PIK3C2B: variants seen among roughly 807,000 people sequenced by gnomAD.
The protein encoded by PIK3C2B is phosphatidylinositol 4-phosphate 3-kinase C2 domain-containing subunit beta.
PIK3C2B carries 83 observed loss-of-function variants against 184.3 expected under a neutral mutation model. The observed-to-expected ratio is 0.45, with a 90% CI of 0.38 to 0.54. The LOEUF (loss-of-function observed/expected upper bound fraction) is 0.54, where lower values mean the gene tolerates loss of function less well. Ranked by LOEUF, PIK3C2B falls within the 20% of genes least tolerant of loss-of-function variation. The pLI, the probability that PIK3C2B is intolerant of heterozygous loss-of-function variation, is 0.00. For synonymous variants in PIK3C2B, 779 were observed against 837.6 expected (o/e 0.93, Z 1.21); for missense variants, 1,736 against 2,113.5 (o/e 0.82, Z 3.50).
chr1:204,483,519 C>A (rs989175214), intron 1 of PIK3C2B, among the ~76,000 whole-genome samples: 1 of 152,072 alleles, frequency 6.6e-6, no homozygotes, highest in African/African-American at 2.4e-5. Context: ...GTGGCCCTGT[C>A]GCCTGGGGAA....
intron 13 of PIK3C2B, among the ~76,000 whole-genome samples, 196 bp downstream of exon 13, chr1:204,449,653 GA>G (rs1351980207): frequency 3.3e-5 from 5 of 152,300 alleles, no homozygotes; most frequent in African/African-American, 1.2e-4. Context: ...TGTGCCACCA[GA>G]ACCGCTCAGT....
intron 1 of PIK3C2B, among the ~76,000 whole-genome samples, chr1:204,483,621 AAAGT>A (rs1222869298): frequency 1.3e-5 from 2 of 152,230 alleles, no homozygotes; most frequent in African/African-American, 4.8e-5. Flanking sequence ...TTGAAAAAAG[AAAGT>A]GACTTTAGCG....
intron 5 of PIK3C2B, among the ~76,000 whole-genome samples, chr1:204,462,008 G>A (rs559766508): frequency 6.6e-6 from 1 of 151,636 alleles, no homozygotes; most frequent in Non-Finnish European, 1.5e-5. Flanking sequence ...TTGGGGGTCT[G>A]GGGGCTGGGC....
intron 32 of PIK3C2B, 53 bp from the exon 33 acceptor site, chr1:204,425,093 T>C: frequency 2.7e-6 from 4 of 1,479,348 alleles, no homozygotes; most frequent in Non-Finnish European, 3.7e-6. Flanking sequence ...ACAAGAAGAA[T>C]CCAGAGGGAA....
chr1:204,457,351 T>C (rs1224348909), intron 9 of PIK3C2B, among the ~76,000 whole-genome samples: 3 of 152,234 alleles, frequency 2.0e-5, no homozygotes, highest in Non-Finnish European at 4.4e-5. Context: ...GCTGGCCCTG[T>C]CTGCAGAGCA....
intron 20 of PIK3C2B, 98 bp downstream of exon 20, chr1:204,442,428 G>A: frequency 2.6e-6 from 2 of 761,890 alleles, no homozygotes; most frequent in Middle Eastern, 3.3e-4. Flanking sequence ...CTGACGCCCA[G>A]ACAACTCAGC....
chr1:204,431,601 A>G, intron 28 of PIK3C2B, 68 bp downstream of exon 28: 2 of 1,592,670 alleles, frequency 1.3e-6, no homozygotes, highest in Non-Finnish European at 1.7e-6. Flanking sequence ...AGCCCTGACC[A>G]CCTCCCATCC....
At chr1:204,463,872 G>C in intron 5 of PIK3C2B, 140 bp downstream of exon 5, 1 of 869,794 alleles carries the variant, frequency 1.1e-6, no homozygotes. Flanking sequence ...CTACGTGGCC[G>C]AGAGTGTGCC....
chr1:204,490,511 G>A (rs577670444), intron 1 of PIK3C2B: 5 of 152,272 alleles, frequency 3.3e-5, no homozygotes, highest in Admixed American at 6.5e-5. Flanking sequence ...TGTGATCTGC[G>A]GGGTAGGCGT....
chr1:204,493,807 G>C (rs535619085), intron 1 of PIK3C2B, among the ~76,000 whole-genome samples: 2 of 152,170 alleles, frequency 1.3e-5, no homozygotes, highest in Non-Finnish European at 2.9e-5. Context: ...ACTCAGGCCT[G>C]AGGGTCCCTC....
intron 1 of PIK3C2B, among the ~76,000 whole-genome samples, chr1:204,478,229 G>A (rs554343365): frequency 9.2e-5 from 14 of 152,144 alleles, no homozygotes; most frequent in African/African-American, 3.4e-4. Flanking sequence ...CTCCACTTCT[G>A]TCCATCCCCC....
At chr1:204,449,787 C>G in intron 13 of PIK3C2B, 63 bp downstream of exon 13, 5 of 1,451,426 alleles carry the variant, frequency 3.4e-6, no homozygotes, top group Non-Finnish European at 3.7e-6. Context: ...GCAGCCAGGC[C>G]CCTTTCTCTG....
At position 204,469,788 on chromosome 1, in the gene PIK3C2B, C is replaced by T. The variant is rs755160694; in HGVS notation, c.15G>A (p.Gln5=). The part of the protein sequence containing the change: MSST[Q]GNGEHWKSLE... ...GGGACTTCCAGTGTTCCCCATTGCC[C>T]TGAGTCGAAGACATGGTGAGGATGG... Residue 5 remains glutamine, a synonymous_variant, in exon 2 of 33, where the codon CAG becomes CAA. Transcript: ENST00000684373. The T allele has an allele frequency of 4.3e-6, 7 of 1,613,372 alleles. No homozygotes were observed. The East Asian group carries it at 1.1e-4, about 26-fold the overall frequency.
chr1:204,453,570 C>T (rs536566336), intron 12 of PIK3C2B, among the ~76,000 whole-genome samples: 1 of 152,062 alleles, frequency 6.6e-6, no homozygotes, highest in Non-Finnish European at 1.5e-5. Context: ...GAAATAGAGG[C>T]TCACTCCTGG....
chr1:204,456,944 TA>T, intron 10 of PIK3C2B, 92 bp downstream of exon 10: 1 of 957,490 alleles, frequency 1.0e-6, no homozygotes, highest in East Asian at 2.9e-5. Flanking sequence ...CTCCGACACA[TA>T]AATCAAGGGG....
Position 204,469,864 on chromosome 1 carries a change from G to T in PIK3C2B, c.-62C>A. On this transcript the variant is annotated 5_prime_UTR_variant, in exon 2 of 33. Coordinates refer to ENST00000684373, the MANE Select transcript of PIK3C2B (RefSeq NM_001377334.1). ...TTCCTGCCAACGTCAGTTCTGGAGG[G>T]TTGTGACATGGTGTCTGGGCGCCTG... The T allele has an allele frequency of 8.6e-7, 1 of 1,156,566 alleles. No homozygotes were observed. The highest frequency in any genetic ancestry group is 1.3e-6 in the Non-Finnish European group (1 of 775,744). 71.6% of individuals were successfully genotyped at this position (1,156,566 alleles called of 1,614,324 possible).
intron 1 of PIK3C2B, among the ~76,000 whole-genome samples, chr1:204,477,761 CCCTGAG>C (rs1028455852): frequency 6.6e-6 from 1 of 152,162 alleles, no homozygotes; most frequent in Non-Finnish European, 1.5e-5. Context: ...CTTCCCCATA[CCCTGAG>C]CCACAGATTG....
rs1453979480 is a variant in PIK3C2B at position 204,441,553 on chromosome 1, T to G, written c.3167A>C (p.Tyr1056Ser). 1.2e-6 allele frequency: 2 copies of G among 1,611,806 alleles called. No homozygotes were observed. The highest frequency in any genetic ancestry group is 8.5e-7 in the Non-Finnish European group (1 of 1,177,988). Residue 1056 changes from tyrosine (Y) to serine (S), a missense_variant, in exon 21 of 33, where the codon TAC becomes TCC. Physicochemically the swap from Tyr to Ser is moderately radical, Grantham distance 144 (BLOSUM62 -2). Transcript: ENST00000684373. ...VKGIVPRDCS[Y>S]FNSNAVPLKL... ...GAGGGGGACAGCATTGGAGTTGAAG[T>G]AGGAACAGTCCTGCCATGGTGAAAA...
intron 1 of PIK3C2B, among the ~76,000 whole-genome samples, chr1:204,492,496 T>C (rs1423459075): frequency 6.6e-6 from 1 of 152,090 alleles, no homozygotes; most frequent in Non-Finnish European, 1.5e-5. Flanking sequence ...GCCAGGGCCA[T>C]CCCAGCTGAA....
Sources: gnomAD v4.1 joint callset for allele counts (sites outside exome capture counted in the v4.1 genomes callset) on GRCh38, gnomAD v4.1.1 for gene constraint, MANE v1.5 for transcripts, NCBI Gene and HGNC (gene_info 2026-07-23, HGNC 2026-07-21) for gene names.